The following PTPRD variants were observed in gnomAD, a reference collection of about 807,000 sequenced individuals.
PTPRD encodes the protein protein tyrosine phosphatase receptor type D.
PTPRD carries 34 observed loss-of-function variants against 214.5 expected under a neutral mutation model. The ratio of observed to expected loss-of-function variants is 0.16; its 90% CI spans 0.12 to 0.21. The LOEUF (loss-of-function observed/expected upper bound fraction) is 0.21. Among genes scored for constraint, PTPRD ranks in the 10% least tolerant of loss-of-function variants. PTPRD has a pLI of 1.00. For synonymous variants in PTPRD, 1,128 were observed against 845.7 expected, an observed-to-expected ratio of 1.33 and a Z score of -5.79; for missense variants, 2,545 against 2,398.7, an observed-to-expected ratio of 1.06 and a Z score of -1.27.
rs1309634926 is a variant in PTPRD, at chr9:8,528,788, CA to C, written c.353-10del. 35 of 1,612,326 alleles carry C rather than the reference CA, an allele frequency of 2.2e-5. No individual in the cohort carries two copies. Among genetic ancestry groups the C allele is most frequent in the Non-Finnish European group, 2.7e-5 (32 of 1,179,054 alleles). ...CCTGGGAATTTGATCTTCTGCAAGA[CA>C]AAAGGTGATAGAAACATTCAGTTAA... On this transcript the variant is annotated splice_polypyrimidine_tract_variant and intron_variant, in intron 14 of 45. Transcript: ENST00000381196.
chr9:8,515,102 T>C (rs1012003649), intron 21 of PTPRD, among the ~76,000 whole-genome samples: 2 of 152,234 alleles, frequency 1.3e-5, no homozygotes, highest in Non-Finnish European at 2.9e-5. Context: ...TATCTCTTTA[T>C]AGCAGTGTGA....
intron 9 of PTPRD, among the ~76,000 whole-genome samples, chr9:9,283,758 T>A (rs762847623): frequency 3.3e-5 from 5 of 151,564 alleles, no homozygotes; most frequent in Non-Finnish European, 5.9e-5. Flanking sequence ...TACATATATC[T>A]CTCTAATTGG....
At chr9:8,787,534 G>A (rs1217404074) in intron 11 of PTPRD, among the ~76,000 whole-genome samples, 1 of 151,784 alleles carries the variant, frequency 6.6e-6, no homozygotes, top group South Asian at 2.1e-4. Context: ...AATCTATATT[G>A]GTTAAAAAAA....
chr9:8,852,287 T>C (rs1302310979), intron 11 of PTPRD, among the ~76,000 whole-genome samples: 2 of 152,238 alleles, frequency 1.3e-5, no homozygotes, highest in African/African-American at 4.8e-5. Context: ...TGAGAATTTA[T>C]AAATTTAATC....
chr9:9,951,800 G>C (rs2093476955), intron 4 of PTPRD, among the ~76,000 whole-genome samples: 1 of 152,184 alleles, frequency 6.6e-6, no homozygotes, highest in Non-Finnish European at 1.5e-5. Flanking sequence ...AGTATTTATA[G>C]CAGGAAACAA....
intron 10 of PTPRD, among the ~76,000 whole-genome samples, chr9:9,140,277 TG>T: frequency 6.6e-6 from 1 of 152,254 alleles, no homozygotes; most frequent in Non-Finnish European, 1.5e-5. Flanking sequence ...TGTTTTATCT[TG>T]ATAGATTACA....
chr9:9,718,872 G>A (rs1460983579), intron 7 of PTPRD, among the ~76,000 whole-genome samples: 1 of 152,168 alleles, frequency 6.6e-6, no homozygotes, highest in African/African-American at 2.4e-5. Context: ...TTGACCCTCG[G>A]CAAAGACAGC....
chr9:9,572,656 C>T (rs913514273), intron 8 of PTPRD, among the ~76,000 whole-genome samples: 4 of 144,432 alleles, frequency 2.8e-5, no homozygotes, highest in Middle Eastern at 3.8e-3. Context: ...AAACATAACC[C>T]GATATGTATA....
chr9:8,395,644 A>T (rs796786030), intron 36 of PTPRD, among the ~76,000 whole-genome samples: 47 of 151,734 alleles, frequency 3.1e-4, no homozygotes, highest in East Asian at 1.9e-3. Context: ...TTTTTTTTTT[A>T]AAAGCATGCC....
intron 12 of PTPRD, among the ~76,000 whole-genome samples, chr9:8,652,484 C>G (rs1037120059): frequency 2.0e-5 from 3 of 152,182 alleles, no homozygotes; most frequent in Non-Finnish European, 4.4e-5. Flanking sequence ...TTGCAGATAC[C>G]CAAGCCTCTT....
intron 3 of PTPRD, among the ~76,000 whole-genome samples, chr9:10,273,022 T>C (rs2094502184): frequency 6.6e-6 from 1 of 152,198 alleles, no homozygotes. Flanking sequence ...CAGGAAAAAT[T>C]GGCTTTTCCC....
intron 5 of PTPRD, among the ~76,000 whole-genome samples, chr9:9,783,500 G>T (rs568618126): frequency 6.6e-6 from 1 of 152,214 alleles, no homozygotes; most frequent in East Asian, 1.9e-4. Flanking sequence ...TGAAACGATG[G>T]CACTGGGAAT....
At chr9:10,089,799 C>G (rs12554771) in intron 3 of PTPRD, among the ~76,000 whole-genome samples, 8,301 of 151,648 alleles carry the variant, frequency 0.055, 291 homozygotes, top group Admixed American at 0.1. Flanking sequence ...AACTAGGTGA[C>G]GGGCATCGGG....
At chr9:9,243,469 T>G (rs573078732) in intron 9 of PTPRD, among the ~76,000 whole-genome samples, 11 of 152,192 alleles carry the variant, frequency 7.2e-5, no homozygotes, top group African/African-American at 1.2e-4. Flanking sequence ...ATCCCTCGGA[T>G]GCAAGGCTGG....
chr9:9,923,540 T>C (rs2083273435), intron 5 of PTPRD, among the ~76,000 whole-genome samples: 1 of 151,818 alleles, frequency 6.6e-6, no homozygotes, highest in South Asian at 2.1e-4. Flanking sequence ...TATCAAGAAT[T>C]TCAGAAATGC....
intron 7 of PTPRD, among the ~76,000 whole-genome samples, chr9:9,613,508 G>T (rs903953214): frequency 1.3e-5 from 2 of 152,058 alleles, no homozygotes; most frequent in Non-Finnish European, 2.9e-5. Context: ...GATGTTTACA[G>T]AAGGATCTCC....
At chr9:8,384,021 G>T (rs919447320) in intron 37 of PTPRD, among the ~76,000 whole-genome samples, 1 of 152,186 alleles carries the variant, frequency 6.6e-6, no homozygotes, top group Admixed American at 6.6e-5. Flanking sequence ...ACAGTCAAGA[G>T]AAGATAGATG....
chr9:9,166,290 T>C (rs532239147), intron 10 of PTPRD, among the ~76,000 whole-genome samples: 1 of 152,222 alleles, frequency 6.6e-6, no homozygotes, highest in East Asian at 1.9e-4. Flanking sequence ...CATATTCCTA[T>C]ACTCTCTGGA....
At chr9:8,544,414 C>T (rs2079365502) in intron 14 of PTPRD, among the ~76,000 whole-genome samples, 1 of 147,486 alleles carries the variant, frequency 6.8e-6, no homozygotes. Context: ...ACAGCAGTTG[C>T]TTTTGCCATT....
Sources: allele counts gnomAD v4.1 joint callset (sites outside exome capture counted in the v4.1 genomes callset), GRCh38; gene constraint gnomAD v4.1.1; transcripts MANE v1.5; gene names NCBI Gene and HGNC (gene_info 2026-07-23, HGNC 2026-07-21).